Variants in GALNT11 observed in about 807,000 individuals in gnomAD.
The protein encoded by GALNT11 is polypeptide N-acetylgalactosaminyltransferase 11.
GALNT11 carries 47 observed loss-of-function variants against 72.7 expected under a neutral mutation model. The ratio of observed to expected loss-of-function variants is 0.65; its 90% confidence interval spans 0.51 to 0.82. The LOEUF is 0.82. Ranked by LOEUF, GALNT11 falls within the 40% of genes least tolerant of loss-of-function variation. The pLI, the probability that GALNT11 is intolerant of heterozygous loss-of-function variation, is 0.00. For synonymous variants in GALNT11, 270 were observed against 286.6 expected (o/e 0.94, Z 0.58); for missense variants, 677 against 778.4 (o/e 0.87, Z 1.55).
chr7:152,105,431 G>T (rs562634096), intron 5 of GALNT11, 61 bp downstream of exon 5: 2 of 1,567,294 alleles, frequency 1.3e-6, no homozygotes, highest in Non-Finnish European at 1.7e-6. Flanking sequence ...GAGCCTCAGC[G>T]CCTGTCCTGA....
intron 1 of GALNT11, among the ~76,000 whole-genome samples, chr7:152,068,855 C>G (rs919684170): frequency 5.3e-5 from 8 of 150,170 alleles, no homozygotes; most frequent in Non-Finnish European, 1.0e-4. Context: ...AATTGTTTTC[C>G]TTTTTATTTT....
chr7:152,102,141 C>T (rs2086984103), intron 3 of GALNT11, among the ~76,000 whole-genome samples: 1 of 152,124 alleles, frequency 6.6e-6, no homozygotes, highest in Non-Finnish European at 1.5e-5. Context: ...AGAAGCTGGA[C>T]ATCAGCTCAT....
chr7:152,060,363 TC>T (rs1367144814), intron 1 of GALNT11, among the ~76,000 whole-genome samples: 1 of 152,200 alleles, frequency 6.6e-6, no homozygotes, highest in African/African-American at 2.4e-5. Flanking sequence ...TTAATTCCCT[TC>T]AAGAATTTTC....
intron 1 of GALNT11, among the ~76,000 whole-genome samples, chr7:152,068,541 C>G (rs976341111): frequency 6.6e-6 from 1 of 152,086 alleles, no homozygotes; most frequent in African/African-American, 2.4e-5. Context: ...TTTTTTCTTG[C>G]ATTTGTGGGC....
intron 1 of GALNT11, among the ~76,000 whole-genome samples, chr7:152,033,690 A>G (rs1230599371): frequency 6.6e-6 from 1 of 152,062 alleles, no homozygotes; most frequent in Non-Finnish European, 1.5e-5. Flanking sequence ...GCTTTTTCCT[A>G]ATTCTCCTTA....
Position 152,122,233 on chromosome 7 carries a change from T to TATG in GALNT11, c.*557_*559dup, listed in dbSNP as rs904231696. ...TCATTTTAAAAAACTGAATCTATAT[T>TATG]ATGTTTAACTTCAGAAGGCATCATT... On this transcript the variant is annotated 3_prime_UTR_variant, in exon 12 of 12. Coordinates refer to ENST00000430044, the MANE Select transcript of GALNT11 (RefSeq NM_022087.4). The TATG allele has an allele frequency of 2.0e-5, 3 of 152,226 alleles. No homozygotes were observed. The highest frequency in any genetic ancestry group is 7.2e-5 in the African/African-American group (3 of 41,456). The allele number at this position is 152,226 out of a possible 1,614,324, so 9.4% of individuals were successfully genotyped here.
At chr7:152,117,574 C>T (rs977363433) in intron 9 of GALNT11, 199 bp downstream of exon 9, 16 of 604,300 alleles carry the variant, frequency 2.6e-5, no homozygotes, top group South Asian at 1.9e-4. Flanking sequence ...CTTGCCTTGC[C>T]GGCATAGCTG....
intron 1 of GALNT11, among the ~76,000 whole-genome samples, chr7:152,038,070 C>T (rs947186658): frequency 3.3e-5 from 5 of 152,152 alleles, no homozygotes; most frequent in South Asian, 2.1e-4. Flanking sequence ...GTGCCCAGCC[C>T]GTCTTCTTCA....
At chr7:152,037,670 T>C (rs1293541377) in intron 1 of GALNT11, among the ~76,000 whole-genome samples, 1 of 152,198 alleles carries the variant, frequency 6.6e-6, no homozygotes, top group Non-Finnish European at 1.5e-5. Context: ...TTGCATCGAA[T>C]CTGTAGGTTG....
chr7:152,027,914 T>C (rs947524219), intron 1 of GALNT11, among the ~76,000 whole-genome samples: 1 of 117,188 alleles, frequency 8.5e-6, no homozygotes, highest in Non-Finnish European at 1.5e-5. Context: ...AGTGGGTTCA[T>C]GAGCTCACTG....
At chr7:152,052,809 A>G (rs770709723) in intron 1 of GALNT11, among the ~76,000 whole-genome samples, 1 of 152,200 alleles carries the variant, frequency 6.6e-6, no homozygotes, top group South Asian at 2.1e-4. Context: ...TCAGGCCTAC[A>G]TTTGAACTTG....
At position 152,120,822 on chromosome 7, in the gene GALNT11, C is replaced by T; in HGVS notation, c.1558-9C>T. The T allele has an allele frequency of 6.3e-7, 1 of 1,586,992 alleles. No homozygotes were observed. The highest frequency in any genetic ancestry group is 1.1e-5 in the South Asian group (1 of 89,498). ...GTTATCTAAATTTTATTTTATTTTT[C>T]TTCTCTAGATCTGGATCTATAATGA... On this transcript the variant is annotated splice_polypyrimidine_tract_variant and intron_variant, in intron 10 of 11. Transcript: ENST00000430044.
chr7:152,110,866 G>A (rs953084263), intron 7 of GALNT11, among the ~76,000 whole-genome samples: 1 of 151,894 alleles, frequency 6.6e-6, no homozygotes, highest in Non-Finnish European at 1.5e-5. Flanking sequence ...GATTAGCTGG[G>A]ACTACAGGCA....
Position 152,106,452 on chromosome 7 carries a change from A to G in GALNT11, c.712+1082A>G, listed in dbSNP as rs554750404. On this transcript the variant is annotated intron_variant, in intron 5 of 11. Transcript: ENST00000430044. ...CACAGTGACCTGAAGCAATTAACAA[A>G]AAAAAAAGAGAAGCAGCTCCTCTAC... Among the ~76,000 whole-genome samples, 5 of 152,290 alleles carry G rather than the reference A, an allele frequency of 3.3e-5. No individual in the cohort carries two copies. In the East Asian group the frequency reaches 9.7e-4, roughly 29 times the overall value.
intron 4 of GALNT11, chr7:152,104,022 A>G (rs931718391): frequency 6.6e-6 from 1 of 152,214 alleles, no homozygotes; most frequent in Non-Finnish European, 1.5e-5. Flanking sequence ...GATTCACTAC[A>G]TATTCTATAT....
Position 152,033,260 on chromosome 7 carries a change from T to TA in GALNT11, c.-39+7376_-39+7377insA, listed in dbSNP as rs2082393302. On this transcript the variant is annotated intron_variant, in intron 1 of 11. Coordinates refer to ENST00000430044, the MANE Select transcript of GALNT11 (RefSeq NM_022087.4). ...TCGTTGGACAATCTTTTTTAAAATGTCTTTGTAAACCACACTGATAACAAG... is the reference window on the plus strand; with the variant it reads ...TCGTTGGACAATCTTTTTTAAAATGTACTTTGTAAACCACACTGATAACAAG... 3.9e-5 allele frequency among the ~76,000 whole-genome samples: 6 copies of TA among 152,304 alleles called. No homozygotes were observed. The South Asian group carries it at 1.2e-3, about 32-fold the overall frequency.
rs144381968 is a variant in GALNT11, at chr7:152,051,665, T to C, written c.-39+25781T>C. ...CAAATCACAGATGTAGGGTAGACTC[T>C]TCAGAATTTTAAAAAATCATGTTTT... On this transcript the variant is annotated intron_variant, in intron 1 of 11. Coordinates refer to ENST00000430044, the MANE Select transcript of GALNT11 (RefSeq NM_022087.4). Among the ~76,000 whole-genome samples the C allele has an allele frequency of 2.3e-3, 352 of 152,294 alleles. 1 individual carries two copies. Among genetic ancestry groups the C allele is most frequent in the African/African-American group, 8.2e-3 (339 of 41,574 alleles).
In GALNT11 at chr7:152,120,921, C is replaced by CTCATGAAATGCCACGGG; in HGVS notation, c.1652_1668dup (p.Gly557Ter). Reference sequence around the variant, plus strand: ...GACTCGCTCATCAGACCCGCCACGGCTCATGAAATGCCACGGGTCAGGAGG... The same window carrying CTCATGAAATGCCACGGG: ...GACTCGCTCATCAGACCCGCCACGGCTCATGAAATGCCACGGGTCATGAAATGCCACGGGTCAGGAGG... On this transcript the variant is annotated frameshift_variant, in exon 11 of 12. Transcript: ENST00000430044. LOFTEE classifies it high-confidence loss of function. 6.2e-7 allele frequency: 1 copy of CTCATGAAATGCCACGGG among 1,614,092 alleles called. No individual in the cohort carries two copies. The highest frequency in any genetic ancestry group is 1.1e-5 in the South Asian group (1 of 91,082).
At chr7:152,093,779 G>A (rs2086195615) in intron 1 of GALNT11, among the ~76,000 whole-genome samples, 1 of 152,052 alleles carries the variant, frequency 6.6e-6, no homozygotes, top group Non-Finnish European at 1.5e-5. Flanking sequence ...AAGATCCTTG[G>A]ATTAAAAAAA....
Sources: allele counts gnomAD v4.1 joint callset (sites outside exome capture counted in the v4.1 genomes callset), GRCh38; gene constraint gnomAD v4.1.1; transcripts MANE v1.5; gene names NCBI Gene and HGNC (gene_info 2026-07-23, HGNC 2026-07-21).